Variants in CEMIP observed in about 807,000 individuals in gnomAD.
The protein encoded by CEMIP is cell migration-inducing and hyaluronan-binding protein.
A neutral mutation model predicts 156.9 loss-of-function variants in CEMIP; 105 were observed. That is an observed-to-expected ratio of 0.67 (90% confidence interval 0.57 to 0.79). The LOEUF (loss-of-function observed/expected upper bound fraction) is 0.79. CEMIP is among the 30% of genes least tolerant of loss of function. The pLI, the probability that CEMIP is intolerant of heterozygous loss-of-function variation, is 0.00. For missense variants in CEMIP, 1,457 were observed against 1,769.4 expected (o/e 0.82, Z 3.17); for synonymous variants, 676 against 668.4 (o/e 1.01, Z -0.17).
At position 80,878,805 on chromosome 15, in the gene CEMIP, A is replaced by G; in HGVS notation, c.179A>G (p.Gln60Arg). The part of the protein sequence containing the change: ...HDQDHHVHIG[Q>R]GKTLLLTSSA... Reference sequence around the variant, plus strand: ...CAAGACCACCATGTGCATATCGGCCAGGGCAAGACACTGCTGCTCACCTCT... The same window carrying G: ...CAAGACCACCATGTGCATATCGGCCGGGGCAAGACACTGCTGCTCACCTCT... The change falls in exon 4 of 30, where the codon CAG (glutamine) becomes CGG (arginine). Residue 60 changes from glutamine to arginine, a missense_variant. By Grantham distance (43) the Gln-to-Arg change is conservative (BLOSUM62 1). Around this residue, in one of 5 missense-constraint regions of CEMIP, gnomAD observed 309 missense variants for 340.8 expected, o/e 0.91. Coordinates refer to ENST00000394685, the MANE Select transcript of CEMIP (RefSeq NM_001293298.2). The G allele has an allele frequency of 1.9e-6, 3 of 1,614,196 alleles. No individual in the cohort carries two copies. The highest frequency in any genetic ancestry group is 2.5e-6 in the Non-Finnish European group (3 of 1,180,028).
At chr15:80,878,565 T>C (rs1314284920) in intron 3 of CEMIP, among the ~76,000 whole-genome samples, 156 bp from the exon 4 acceptor site, 1 of 152,244 alleles carries the variant, frequency 6.6e-6, no homozygotes, top group Admixed American at 6.5e-5. Flanking sequence ...GCCTCCTATG[T>C]CAGGAGGTCT....
At chr15:80,941,757 G>C in intron 25 of CEMIP, 92 bp from the exon 26 acceptor site, 1 of 1,190,142 alleles carries the variant, frequency 8.4e-7, no homozygotes, top group South Asian at 1.3e-5. Flanking sequence ...TACCTGCTAT[G>C]ACCAGCTCAG....
At chr15:80,780,226 G>A (rs563451510) in intron 1 of CEMIP, among the ~76,000 whole-genome samples, 5 of 152,360 alleles carry the variant, frequency 3.3e-5, no homozygotes, top group African/African-American at 1.2e-4. Flanking sequence ...TGAACCCGGG[G>A]GGCTCTGCTG....
intron 25 of CEMIP, among the ~76,000 whole-genome samples, chr15:80,939,537 G>A (rs1206490694): frequency 6.6e-6 from 1 of 152,202 alleles, no homozygotes; most frequent in Admixed American, 6.5e-5. Flanking sequence ...TGAGTGAAAT[G>A]TTCAAAAGAT....
chr15:80,948,915 G>A lies in CEMIP; in HGVS notation c.4077G>A (p.Lys1359=). The A allele has an allele frequency of 6.2e-7, 1 of 1,614,264 alleles. No homozygotes were observed. Among genetic ancestry groups the A allele is most frequent in the Non-Finnish European group, 8.5e-7 (1 of 1,180,046 alleles). ...TGCCCATCCCTGTGGTGAAGAAGAA[G>A]AAGTTGTGAGGACAGCTGCCGCCCG... ...QVVPIPVVKK[K]KL Residue 1359 remains lysine (K), a synonymous_variant, in exon 30 of 30, where the codon AAG becomes AAA. Coordinates refer to ENST00000394685, the MANE Select transcript of CEMIP (RefSeq NM_001293298.2).
chr15:80,926,601 C>T (rs1457630217), intron 19 of CEMIP, among the ~76,000 whole-genome samples: 1 of 151,898 alleles, frequency 6.6e-6, no homozygotes, highest in African/African-American at 2.4e-5. Flanking sequence ...AGAAAGGCTG[C>T]TCAGAAATGC....
At chr15:80,929,952 C>T (rs1900843953) in intron 21 of CEMIP, among the ~76,000 whole-genome samples, 1 of 152,164 alleles carries the variant, frequency 6.6e-6, no homozygotes, top group African/African-American at 2.4e-5. Context: ...AAACCACAGG[C>T]TGGGTCAGTG....
intron 1 of CEMIP, among the ~76,000 whole-genome samples, chr15:80,842,599 G>A (rs1257708118): frequency 6.6e-6 from 1 of 152,114 alleles, no homozygotes; most frequent in Non-Finnish European, 1.5e-5. Context: ...GGGCGTGGTG[G>A]CAGGCATCTG....
intron 1 of CEMIP, among the ~76,000 whole-genome samples, chr15:80,787,204 C>A (rs924965168): frequency 2.0e-5 from 3 of 152,364 alleles, no homozygotes; most frequent in Admixed American, 1.3e-4. Flanking sequence ...AGAAAGGGAA[C>A]TGAAGAGCCC....
intron 14 of CEMIP, chr15:80,909,788 TG>T (rs1899973934): frequency 2.7e-6 from 1 of 369,216 alleles, no homozygotes; most frequent in Non-Finnish European, 5.4e-6. Flanking sequence ...CAAATTGGCA[TG>T]TGTATCAGAG....
At chr15:80,926,407 C>G (rs944532950) in intron 19 of CEMIP, among the ~76,000 whole-genome samples, 7 of 152,190 alleles carry the variant, frequency 4.6e-5, no homozygotes, top group African/African-American at 1.7e-4. Context: ...GTCTCCTTGT[C>G]TGCCTTTTGT....
At chr15:80,801,126 T>A (rs62006878) in intron 1 of CEMIP, among the ~76,000 whole-genome samples, 51,782 of 152,162 alleles carry the variant, frequency 0.34, 10,286 homozygotes, top group Non-Finnish European at 0.46. Flanking sequence ...GGCATCCCCT[T>A]CTCTGTGAAG....
At chr15:80,807,736 A>C (rs1896548590) in intron 1 of CEMIP, among the ~76,000 whole-genome samples, 1 of 152,258 alleles carries the variant, frequency 6.6e-6, no homozygotes, top group Admixed American at 6.5e-5. Flanking sequence ...CAGCCAGCAC[A>C]GTGGCCTTCA....
chr15:80,940,358 C>T (rs968724905), intron 25 of CEMIP, among the ~76,000 whole-genome samples: 5 of 152,204 alleles, frequency 3.3e-5, no homozygotes, highest in Non-Finnish European at 7.3e-5. Context: ...AACAAGGAAA[C>T]CTGAATACTG....
chr15:80,826,348 G>A (rs1439759190), intron 1 of CEMIP, among the ~76,000 whole-genome samples: 1 of 152,106 alleles, frequency 6.6e-6, no homozygotes, highest in Non-Finnish European at 1.5e-5. Flanking sequence ...AACCTTTAGT[G>A]GCCTTGGCTT....
Position 80,889,561 on chromosome 15 carries a change from G to A in CEMIP, c.1055G>A (p.Gly352Glu). Residue 352 changes from glycine (G) to glutamate (E), a missense_variant, in exon 10 of 30, where the codon GGA (glycine) becomes GAA (glutamate). Physicochemically the swap from Gly to Glu is moderately conservative, Grantham distance 98. Transcript: ENST00000394685. ...TCAGACCTCTGGAAAGCTCACCCAG[G>A]AAAAATATGCAATCGTCCCATTGAT... The part of the protein sequence containing the change: ...KISDLWKAHP[G>E]KICNRPIDIQ... 1 of 1,614,138 alleles carries A rather than the reference G, an allele frequency of 6.2e-7. No homozygotes were observed. The highest frequency in any genetic ancestry group is 1.1e-5 in the South Asian group (1 of 91,078).
chr15:80,932,039 G>T lies in CEMIP; in HGVS notation c.2793G>T (p.Pro931=). ...NVTGIAFEDV[P]ITSRVFFGEP... ...CCGGCATTGCCTTTGAGGACGTTCC[G>T]GTGAGTGAGGCGCCAGGGCAGACTC... The change falls in exon 22 of 30, where the codon CCG becomes CCT. Residue 931 remains proline, a splice_region_variant and synonymous_variant. Transcript: ENST00000394685. This position sits in a 1 kb window ranked among gnomAD's most constrained non-coding sequence, Gnocchi z 4.5. 4 of 1,613,000 alleles carry T rather than the reference G, an allele frequency of 2.5e-6. No individual in the cohort carries two copies. The highest frequency in any genetic ancestry group is 3.4e-6 in the Non-Finnish European group (4 of 1,180,016).
intron 1 of CEMIP, among the ~76,000 whole-genome samples, chr15:80,839,419 G>T (rs1420735623): frequency 2.0e-5 from 3 of 152,008 alleles, no homozygotes; most frequent in Non-Finnish European, 2.9e-5. Context: ...GGAGGGAGAA[G>T]TGTGGACACC....
rs150964506 is a variant in CEMIP, at chr15:80,872,772, G to A, written c.-175-766G>A. ...AGAGGTTGCAGTGAGCCGAGCTCCC[G>A]CCACTACACTCTAGCCTGGTGACAG... On this transcript the variant is annotated intron_variant, in intron 1 of 29. Coordinates refer to ENST00000394685, the MANE Select transcript of CEMIP (RefSeq NM_001293298.2). Among the ~76,000 whole-genome samples, 15 of 152,170 alleles carry A rather than the reference G, an allele frequency of 9.9e-5. 1 individual carries two copies. In the East Asian group the frequency reaches 2.3e-3, roughly 23 times the overall value.
Sources: allele counts gnomAD v4.1 joint callset (sites outside exome capture counted in the v4.1 genomes callset), GRCh38; gene constraint gnomAD v4.1.1; regional missense constraint gnomAD v4.1.1; non-coding constraint Gnocchi (gnomAD v3.1); transcripts MANE v1.5; gene names NCBI Gene and HGNC (gene_info 2026-07-23, HGNC 2026-07-21).